NYAP2: variants seen among roughly 807,000 people sequenced by gnomAD.
NYAP2 encodes the protein neuronal tyrosine-phosphorylated phosphoinositide-3-kinase adapter 2.
In NYAP2, 23 loss-of-function variants were observed where a neutral mutation model predicts 50.4. That is an observed-to-expected ratio of 0.46 (90% CI 0.33 to 0.65). NYAP2 has a LOEUF of 0.65. Among genes scored for constraint, NYAP2 ranks in the 30% least tolerant of loss-of-function variants. The pLI, the probability that NYAP2 is intolerant of heterozygous loss-of-function variation, is 0.02. For missense variants in NYAP2, 885 were observed against 861.0 expected (o/e 1.03, Z -0.35); for synonymous variants, 394 against 365.2 (o/e 1.08, Z -0.90).
At chr2:225,551,012 C>A (rs2106209732) in intron 4 of NYAP2, among the ~76,000 whole-genome samples, 1 of 152,304 alleles carries the variant, frequency 6.6e-6, no homozygotes, top group East Asian at 1.9e-4. Flanking sequence ...ATAGATATGA[C>A]TACAGCCCAT....
intron 4 of NYAP2, among the ~76,000 whole-genome samples, chr2:225,554,207 GTT>G (rs1203110757): frequency 2.7e-5 from 3 of 109,870 alleles, no homozygotes; most frequent in Admixed American, 8.7e-5. Flanking sequence ...TATTGTTGTT[GTT>G]TTTTTTTTTT....
chr2:225,538,850 G>C (rs6436566), intron 4 of NYAP2, among the ~76,000 whole-genome samples: 16,186 of 45,620 alleles, frequency 0.35, 1,084 homozygotes, highest in African/African-American at 0.4. Context: ...TTCTTTCTTT[G>C]TTTTTATTAT....
At position 225,540,107 on chromosome 2, in the gene NYAP2, G is replaced by A. The variant is rs2106203030; in HGVS notation, c.523+26435G>A. On this transcript the variant is annotated intron_variant, in intron 4 of 6. Coordinates refer to ENST00000636099, the Ensembl canonical transcript of NYAP2. ...GACCTTATTGTTCATATAATTATCA[G>A]CATTTTTGTCAAAGCCATTCAACAA... Among the ~76,000 whole-genome samples, 3 of 152,218 alleles carry A rather than the reference G, an allele frequency of 2.0e-5. No individual in the cohort carries two copies. The South Asian group carries it at 6.2e-4, about 32-fold the overall frequency.
At chr2:225,513,011 G>A (rs1690860511) in intron 3 of NYAP2, among the ~76,000 whole-genome samples, 1 of 151,872 alleles carries the variant, frequency 6.6e-6, no homozygotes, top group South Asian at 2.1e-4. Context: ...TTTTGATGAA[G>A]TGGACAAGAG....
chr2:225,641,857 T>C (rs369456919), intron 6 of NYAP2, among the ~76,000 whole-genome samples: 3 of 141,822 alleles, frequency 2.1e-5, no homozygotes, highest in South Asian at 4.4e-4. Context: ...GTAATTTAGA[T>C]TTTTTTTTTT....
intron 3 of NYAP2, among the ~76,000 whole-genome samples, chr2:225,484,920 C>T (rs532901734): frequency 6.6e-6 from 1 of 152,224 alleles, no homozygotes; most frequent in Non-Finnish European, 1.5e-5. Flanking sequence ...GCTATTGAAT[C>T]AGAAACCCTA....
rs567120355 is a variant in NYAP2 at position 225,646,545 on chromosome 2, C to T, written c.1829-4887C>T. On this transcript the variant is annotated intron_variant, in intron 6 of 6. Coordinates refer to ENST00000636099, the Ensembl canonical transcript of NYAP2. ...CAGCCTGGGCAACAAGAGCAGAACT[C>T]GGTCTCAAAAAAAAGTTCCTGCCAT... is the stretch of plus-strand genomic sequence containing the variant. 7.2e-5 allele frequency among the ~76,000 whole-genome samples: 11 copies of T among 152,218 alleles called. No individual in the cohort carries two copies. In the South Asian group the frequency reaches 1.0e-3, roughly 14 times the overall value.
chr2:225,465,673 G>A (rs1020724722), intron 3 of NYAP2, among the ~76,000 whole-genome samples: 1 of 152,070 alleles, frequency 6.6e-6, no homozygotes, highest in South Asian at 2.1e-4. Context: ...CCGAGATCGC[G>A]CCACTGCACT....
intron 3 of NYAP2, among the ~76,000 whole-genome samples, chr2:225,422,406 A>G (rs2106127722): frequency 6.6e-6 from 1 of 152,260 alleles, no homozygotes; most frequent in Non-Finnish European, 1.5e-5. Flanking sequence ...AATCACAAAT[A>G]CCAATAATAC....
At chr2:225,397,968 C>A (rs1694800025), upstream of NYAP2, among the ~76,000 whole-genome samples, 1 of 151,712 alleles carries the variant, frequency 6.6e-6, no homozygotes, top group Non-Finnish European at 1.5e-5. Flanking sequence ...GATATATTTT[C>A]CTAAAGTTGA....
At chr2:225,416,302 A>G (rs1359700650) in intron 3 of NYAP2, among the ~76,000 whole-genome samples, 3 of 152,208 alleles carry the variant, frequency 2.0e-5, no homozygotes, top group African/African-American at 7.2e-5. Flanking sequence ...TCAAACCATA[A>G]AATTAGACCA....
chr2:225,688,403 T>C, the NYAP2 span, among the ~76,000 whole-genome samples: 5 of 152,196 alleles, frequency 3.3e-5, no homozygotes, highest in Admixed American at 2.6e-4. Context: ...ATCCATTTGT[T>C]TATTCATTCA....
At chr2:225,552,918 C>T (rs1691703823) in intron 4 of NYAP2, among the ~76,000 whole-genome samples, 1 of 152,146 alleles carries the variant, frequency 6.6e-6, no homozygotes, top group Non-Finnish European at 1.5e-5. Context: ...CAACTCCTGA[C>T]CTCGTGATCC....
intron 5 of NYAP2, among the ~76,000 whole-genome samples, chr2:225,621,892 C>G (rs2054080): frequency 0.51 from 76,861 of 151,792 alleles, 20,422 homozygotes; most frequent in South Asian, 0.68. Context: ...TTTTGTAAGG[C>G]TGAATAATAC....
intron 4 of NYAP2, among the ~76,000 whole-genome samples, chr2:225,535,036 A>G (rs1311297788): frequency 6.6e-6 from 1 of 152,194 alleles, no homozygotes; most frequent in Non-Finnish European, 1.5e-5. Flanking sequence ...GTTTCTCACC[A>G]GAGATACTGC....
At chr2:225,410,673 AC>A (rs1180207958) in intron 3 of NYAP2, among the ~76,000 whole-genome samples, 1 of 152,106 alleles carries the variant, frequency 6.6e-6, no homozygotes, top group Non-Finnish European at 1.5e-5. Flanking sequence ...TTTACAGAAC[AC>A]CCAAAGTTTG....
chr2:225,482,278 G>C (rs1214515109), intron 3 of NYAP2, among the ~76,000 whole-genome samples: 1 of 151,954 alleles, frequency 6.6e-6, no homozygotes, highest in African/African-American at 2.4e-5. Flanking sequence ...CATTTTGTTG[G>C]GCTGCCCTCA....
chr2:225,615,055 A>T (rs1692964479), intron 5 of NYAP2, among the ~76,000 whole-genome samples: 1 of 152,262 alleles, frequency 6.6e-6, no homozygotes, highest in Non-Finnish European at 1.5e-5. Context: ...AAGGACAAGG[A>T]TTTTATAGGA....
intron 3 of NYAP2, among the ~76,000 whole-genome samples, chr2:225,440,537 T>C (rs187014000): frequency 2.0e-4 from 30 of 152,292 alleles, no homozygotes; most frequent in Non-Finnish European, 1.0e-4. Context: ...CTTCTGAATG[T>C]ACGGAGGATT....
Sources: allele counts gnomAD v4.1 joint callset (sites outside exome capture counted in the v4.1 genomes callset), GRCh38; gene constraint gnomAD v4.1.1; transcripts MANE v1.5; gene names NCBI Gene and HGNC (gene_info 2026-07-23, HGNC 2026-07-21).